The following EIF3M variants were observed in gnomAD, a reference collection of about 807,000 sequenced individuals.
The protein encoded by EIF3M is eukaryotic translation initiation factor 3 subunit M.
In EIF3M, 25 loss-of-function variants were observed where a neutral mutation model predicts 49.7. The observed-to-expected ratio is 0.50, with a 90% confidence interval of 0.37 to 0.70. EIF3M has a LOEUF of 0.70. Ranked by LOEUF, EIF3M falls within the 30% of genes least tolerant of loss-of-function variation. The probability of loss-of-function intolerance (pLI) is 0.00; values close to 1 mark genes in which losing one functional copy is unlikely to be tolerated. For synonymous variants in EIF3M, 156 were observed against 149.8 expected, an observed-to-expected ratio of 1.04 and a Z score of -0.30; for missense variants, 350 against 440.0, an observed-to-expected ratio of 0.80 and a Z score of 1.83.
intron 8 of EIF3M, among the ~76,000 whole-genome samples, chr11:32,599,889 A>C (rs1855235003): frequency 6.6e-6 from 1 of 151,902 alleles, no homozygotes; most frequent in African/African-American, 2.4e-5. Context: ...AAGTGAAAGG[A>C]TCAGGACTGG....
In EIF3M at chr11:32,602,884, C is replaced by G; in HGVS notation, c.*485C>G. ...CTTTGGCTGGTTGTCATTTTCTAAACTTAGTAAATTTTCACTTTTATTTAG... is the reference window on the plus strand; with the variant it reads ...CTTTGGCTGGTTGTCATTTTCTAAAGTTAGTAAATTTTCACTTTTATTTAG... On this transcript the variant is annotated 3_prime_UTR_variant, in exon 11 of 11. Coordinates refer to ENST00000531120, the MANE Select transcript of EIF3M (RefSeq NM_006360.6). The G allele has an allele frequency of 6.2e-7, 1 of 1,611,716 alleles. No individual in the cohort carries two copies.
At chr11:32,602,232 G>A (rs772471774) in intron 10 of EIF3M, 47 bp from the exon 11 acceptor site, 2 of 1,587,792 alleles carry the variant, frequency 1.3e-6, no homozygotes, top group South Asian at 2.3e-5. Context: ...AAGAATACCA[G>A]AGGCTAAAAG....
intron 6 of EIF3M, chr11:32,594,640 G>A (rs1281144972): frequency 7.0e-6 from 2 of 285,032 alleles, no homozygotes; most frequent in Non-Finnish European, 1.3e-5. Context: ...GTCTTGGCAT[G>A]TGGTTCTGCT....
chr11:32,588,281 TG>T (rs1008376226), intron 2 of EIF3M, among the ~76,000 whole-genome samples: 6 of 149,702 alleles, frequency 4.0e-5, no homozygotes, highest in African/African-American at 2.5e-5. Context: ...CCCAGCTACT[TG>T]GGAGGCTGAG....
At chr11:32,594,049 A>G (rs1855143180) in intron 6 of EIF3M, 100 bp downstream of exon 6, 1 of 717,262 alleles carries the variant, frequency 1.4e-6, no homozygotes, top group African/African-American at 1.9e-5. Context: ...ACTACCAGTG[A>G]TCCAGAGCCA....
At position 32,604,913 on chromosome 11, in the gene EIF3M, C is replaced by CAT. The variant is rs1343863448; in HGVS notation, c.*2514_*2515insAT. The CAT allele has an allele frequency of 6.6e-6, 1 of 152,074 alleles. No individual in the cohort carries two copies. Among genetic ancestry groups the CAT allele is most frequent in the Non-Finnish European group, 1.5e-5 (1 of 68,084 alleles). 9.4% of individuals were successfully genotyped at this position (152,074 alleles called of 1,614,324 possible). On this transcript the variant is annotated 3_prime_UTR_variant, in exon 11 of 11. Transcript: ENST00000531120. Reference sequence around the variant, plus strand: ...TGTCGCCCAGGCTGGAGTGCAGTGGCGCCATCTCAGCTCACTGCAACCTCC... The same window carrying CAT: ...TGTCGCCCAGGCTGGAGTGCAGTGGCATGCCATCTCAGCTCACTGCAACCTCC...
intron 8 of EIF3M, among the ~76,000 whole-genome samples, chr11:32,597,342 C>G (rs921814605): frequency 7.1e-6 from 1 of 141,358 alleles, no homozygotes; most frequent in South Asian, 2.2e-4. Context: ...TTTTTTCCCC[C>G]CTACTATACT....
intron 4 of EIF3M, 97 bp from the exon 5 acceptor site, chr11:32,589,450 T>C (rs1173792056): frequency 1.6e-6 from 2 of 1,239,582 alleles, no homozygotes; most frequent in Non-Finnish European, 2.3e-6. Flanking sequence ...TGCTGGGGAT[T>C]ATAGGCGTGA....
At chr11:32,585,238 GA>G (rs1352315457) in intron 1 of EIF3M, among the ~76,000 whole-genome samples, 1 of 152,150 alleles carries the variant, frequency 6.6e-6, no homozygotes, top group Non-Finnish European at 1.5e-5. Flanking sequence ...TACCTGATTA[GA>G]AATGGAAGCA....
chr11:32,588,272 C>T (rs1590513243), intron 2 of EIF3M, among the ~76,000 whole-genome samples: 1 of 151,720 alleles, frequency 6.6e-6, no homozygotes, highest in East Asian at 1.9e-4. Context: ...GCCTGTAGTC[C>T]CAGCTACTTG....
chr11:32,590,446 C>G (rs1365017795), intron 5 of EIF3M, among the ~76,000 whole-genome samples: 1 of 152,182 alleles, frequency 6.6e-6, no homozygotes, highest in Non-Finnish European at 1.5e-5. Flanking sequence ...AGAAACACCC[C>G]TCTCATATTT....
At chr11:32,601,240 CCAG>C (rs2133204735) in intron 9 of EIF3M, 1 of 155,900 alleles carries the variant, frequency 6.4e-6, no homozygotes, top group African/African-American at 2.4e-5. Flanking sequence ...TTAACCATTA[CCAG>C]TTTTTTTATG....
rs1418553682 is a variant in EIF3M at position 32,595,101 on chromosome 11, A to G, written c.717+88A>G. ...AGGACTCTTTTTCTTTGCATTAATA[A>G]AAGTGACTAATGGCAAGATATGGAA... is the stretch of plus-strand genomic sequence containing the variant. On this transcript the variant is annotated intron_variant, in intron 7 of 10. Coordinates refer to ENST00000531120, the MANE Select transcript of EIF3M (RefSeq NM_006360.6). The G allele has an allele frequency of 3.5e-6, 4 of 1,130,684 alleles. No individual in the cohort carries two copies. In the African/African-American group the frequency reaches 6.3e-5, roughly 18 times the overall value. The allele number at this position is 1,130,684 out of a possible 1,614,324, so 70.0% of individuals were successfully genotyped here.
Position 32,600,811 on chromosome 11 carries a change from G to A in EIF3M, c.922G>A (p.Val308Ile). ...AGAACTTCAGATTGGAGCTGATGAT[G>A]TTGAAGCATTTGTTATTGACGGTAA... ...QQELQIGADD[V>I]EAFVIDAVRT... Residue 308 changes from valine to isoleucine, a missense_variant, in exon 9 of 11, where the codon GTT (valine) becomes ATT (isoleucine). Transcript: ENST00000531120. 6.2e-7 allele frequency: 1 copy of A among 1,607,108 alleles called. No individual in the cohort carries two copies.
chr11:32,602,116 T>TAA (rs532912439), intron 10 of EIF3M, 163 bp from the exon 11 acceptor site: 12,362 of 1,154,588 alleles, frequency 0.011, 85 homozygotes, highest in Non-Finnish European at 0.013. Context: ...ATCAATATGG[T>TAA]AAAGATTTTT....
intron 8 of EIF3M, among the ~76,000 whole-genome samples, chr11:32,599,044 C>G (rs201856): frequency 0.44 from 66,920 of 151,688 alleles, 15,258 homozygotes; most frequent in African/African-American, 0.52. Flanking sequence ...TATTTTAATT[C>G]TATAATTAAA....
At chr11:32,600,608 C>G (rs1039046754) in intron 8 of EIF3M, 81 bp from the exon 9 acceptor site, 2 of 1,370,000 alleles carry the variant, frequency 1.5e-6, no homozygotes, top group African/African-American at 3.0e-5. Flanking sequence ...AAAATAATTT[C>G]CACAGCTTAA....
Position 32,588,620 on chromosome 11 carries a change from G to T in EIF3M, c.202G>T (p.Val68Leu). ...TGTTGAAAGTGTGATGAACAGTGTGGTATCCCTACTCTTGATCCTGGAACC... is the reference window on the plus strand; with the variant it reads ...TGTTGAAAGTGTGATGAACAGTGTGTTATCCCTACTCTTGATCCTGGAACC... Reference protein sequence around the residue: ...KDVESVMNSVVSLLLILEPDK... With the variant: ...KDVESVMNSVLSLLLILEPDK... Residue 68 changes from valine to leucine, a missense_variant, in exon 3 of 11, where the codon GTA becomes TTA. By Grantham distance (32) the Val-to-Leu change is conservative. Coordinates refer to ENST00000531120, the MANE Select transcript of EIF3M (RefSeq NM_006360.6). The T allele has an allele frequency of 6.2e-7, 1 of 1,612,594 alleles. No individual in the cohort carries two copies. The highest frequency in any genetic ancestry group is 8.5e-7 in the Non-Finnish European group (1 of 1,179,392).
At chr11:32,588,759 G>A in intron 3 of EIF3M, 27 bp downstream of exon 3, 1 of 1,611,096 alleles carries the variant, frequency 6.2e-7, no homozygotes, top group South Asian at 1.1e-5. Flanking sequence ...AAGAAACTCA[G>A]TTTTTCTAGG....
Sources: gnomAD v4.1 joint callset for allele counts (sites outside exome capture counted in the v4.1 genomes callset) on GRCh38, gnomAD v4.1.1 for gene constraint, MANE v1.5 for transcripts, NCBI Gene and HGNC (gene_info 2026-07-23, HGNC 2026-07-21) for gene names.